Variants in MGAT5 observed in about 807,000 individuals in gnomAD.
MGAT5 encodes the protein alpha-1,6-mannosylglycoprotein 6-beta-N-acetylglucosaminyltransferase A.
MGAT5 carries 30 observed loss-of-function variants against 94.3 expected under a neutral mutation model. The ratio of observed to expected loss-of-function variants is 0.32; its 90% CI spans 0.24 to 0.43. The LOEUF is 0.43. Ranked by LOEUF, MGAT5 falls within the 20% of genes least tolerant of loss-of-function variation. The pLI, the probability that MGAT5 is intolerant of heterozygous loss-of-function variation, is 1.00. For synonymous variants in MGAT5, 310 were observed against 322.9 expected (o/e 0.96, Z 0.43); for missense variants, 691 against 905.5 (o/e 0.76, Z 3.04).
At chr2:134,423,275 G>T (rs1382486011) in intron 13 of MGAT5, among the ~76,000 whole-genome samples, 1 of 152,210 alleles carries the variant, frequency 6.6e-6, no homozygotes, top group Non-Finnish European at 1.5e-5. Flanking sequence ...AGGGAGAAGT[G>T]CAAGGAAATG....
intron 1 of MGAT5, among the ~76,000 whole-genome samples, chr2:134,264,318 G>T (rs575069806): frequency 6.6e-6 from 1 of 152,046 alleles, no homozygotes; most frequent in African/African-American, 2.4e-5. Context: ...CACCGCACCC[G>T]GCCAGCCATT....
chr2:134,239,668 T>C (rs1430276588), intron 1 of MGAT5, among the ~76,000 whole-genome samples: 1 of 151,890 alleles, frequency 6.6e-6, no homozygotes, highest in African/African-American at 2.4e-5. Context: ...ATCTAATACC[T>C]TGATTTCCCT....
intron 10 of MGAT5, among the ~76,000 whole-genome samples, chr2:134,372,858 A>T (rs989955814): frequency 6.6e-6 from 1 of 152,236 alleles, no homozygotes; most frequent in African/African-American, 2.4e-5. Context: ...ACTGCTGTCC[A>T]TGAAAAGAGG....
chr2:134,303,116 T>G (rs1686126615), intron 2 of MGAT5, among the ~76,000 whole-genome samples: 1 of 152,200 alleles, frequency 6.6e-6, no homozygotes, highest in Admixed American at 6.5e-5. Flanking sequence ...TTTATTTGTC[T>G]TAGTCTTGAA....
intron 1 of MGAT5, among the ~76,000 whole-genome samples, chr2:134,149,276 T>G (rs1687065723): frequency 6.6e-6 from 1 of 152,240 alleles, no homozygotes; most frequent in African/African-American, 2.4e-5. Context: ...CTTACAGGGC[T>G]GTTGTGCAAT....
chr2:134,313,287 C>T (rs1415112263), intron 2 of MGAT5, among the ~76,000 whole-genome samples: 1 of 152,130 alleles, frequency 6.6e-6, no homozygotes, highest in Non-Finnish European at 1.5e-5. Context: ...TCTGCTCCTG[C>T]AGTGTGTATG....
chr2:134,369,765 G>C (rs1680669762), intron 10 of MGAT5, among the ~76,000 whole-genome samples: 1 of 151,272 alleles, frequency 6.6e-6, no homozygotes, highest in Non-Finnish European at 1.5e-5. Context: ...GTGAATGACA[G>C]ACTTTTATGT....
At position 134,334,496 on chromosome 2, in the gene MGAT5, C is replaced by CTTTTTTTT. The variant is rs59933611; in HGVS notation, c.574-1705_574-1698dup. Among the ~76,000 whole-genome samples, 197 of 34,118 alleles carry CTTTTTTTT rather than the reference C, an allele frequency of 5.8e-3. 49 individuals are homozygous for CTTTTTTTT. The highest frequency in any genetic ancestry group is 0.037 in the East Asian group (35 of 938). The allele number at this position is 34,118 out of a possible 152,430, so 22.4% of individuals were successfully genotyped here. On this transcript the variant is annotated intron_variant, in intron 4 of 15. Transcript: ENST00000281923. ...CAAATCTCTACTTTCCTTGCTCATC[C>CTTTTTTTT]TTTTTTTTTTTTTTTTTTTTTTTGC...
In MGAT5 at chr2:134,408,988, A is replaced by C. The variant is rs372505712; in HGVS notation, c.1531-3881A>C. ...TATCATCTCTTATCTCTCTCTTCTG[A>C]TGAATATCCCTCCCCGTTTTTTAGT... On this transcript the variant is annotated intron_variant, in intron 11 of 15. Transcript: ENST00000281923. Among the ~76,000 whole-genome samples, 63 of 152,294 alleles carry C rather than the reference A, an allele frequency of 4.1e-4. 1 individual carries two copies. The highest frequency in any genetic ancestry group is 6.8e-3 in the Middle Eastern group (2 of 294).
intron 10 of MGAT5, among the ~76,000 whole-genome samples, chr2:134,401,923 C>G (rs1197276920): frequency 6.6e-6 from 1 of 152,174 alleles, no homozygotes; most frequent in African/African-American, 2.4e-5. Context: ...GAGACCAGAT[C>G]ATGAATCGCT....
At chr2:134,357,084 A>C (rs1483672490) in intron 9 of MGAT5, among the ~76,000 whole-genome samples, 3 of 152,240 alleles carry the variant, frequency 2.0e-5, no homozygotes, top group Non-Finnish European at 4.4e-5. Flanking sequence ...TAACATCCTG[A>C]AGAGTGGCTG....
chr2:134,130,042 G>C (rs1313780701), intron 1 of MGAT5, among the ~76,000 whole-genome samples: 1 of 152,168 alleles, frequency 6.6e-6, no homozygotes, highest in South Asian at 2.1e-4. Flanking sequence ...GCGGCCGGCT[G>C]GGGCAGTGAG....
At chr2:134,241,435 A>G (rs998694734) in intron 1 of MGAT5, among the ~76,000 whole-genome samples, 3 of 152,234 alleles carry the variant, frequency 2.0e-5, no homozygotes, top group Non-Finnish European at 1.5e-5. Flanking sequence ...GGGGGTTGTA[A>G]GTAGATTGCT....
chr2:134,221,575 C>T (rs539108187), intron 1 of MGAT5, among the ~76,000 whole-genome samples: 88 of 152,144 alleles, frequency 5.8e-4, no homozygotes, highest in African/African-American at 2.0e-3. Flanking sequence ...GAAAACAAAG[C>T]GGAAAGGGGA....
intron 3 of MGAT5, 73 bp from the exon 4 acceptor site, chr2:134,318,577 A>T: frequency 9.0e-7 from 1 of 1,109,560 alleles, no homozygotes; most frequent in Non-Finnish European, 1.4e-6. Flanking sequence ...TCACCATTCT[A>T]TCCTCGCCTT....
chr2:134,255,470 T>TATATATACATATATACATATATATACAC (rs1558735762), intron 1 of MGAT5, among the ~76,000 whole-genome samples: 9 of 146,896 alleles, frequency 6.1e-5, no homozygotes, highest in Admixed American at 2.7e-4. Context: ...TATATATACA[T>TATATATACATATATACATATATATACAC]ATATATACAT....
chr2:134,381,116 C>T (rs1681512373), intron 10 of MGAT5, among the ~76,000 whole-genome samples: 1 of 151,994 alleles, frequency 6.6e-6, no homozygotes, highest in African/African-American at 2.4e-5. Flanking sequence ...GAATTCTGAA[C>T]TCTTTGAATC....
chr2:134,226,045 A>T (rs1026621120), intron 1 of MGAT5, among the ~76,000 whole-genome samples: 3 of 152,244 alleles, frequency 2.0e-5, no homozygotes, highest in Non-Finnish European at 4.4e-5. Context: ...GTGTAGCCTT[A>T]GGAGAAGAGT....
chr2:134,381,387 T>TAGATAGATAGATAGATAGATAGATA (rs1681570170), intron 10 of MGAT5, among the ~76,000 whole-genome samples: 1 of 46,850 alleles, frequency 2.1e-5, no homozygotes, highest in Non-Finnish European at 4.9e-5. Flanking sequence ...ATAGATTAGA[T>TAGATAGATAGATAGATAGATAGATA]AGATAGATAG....
Sources: gnomAD v4.1 joint callset for allele counts (sites outside exome capture counted in the v4.1 genomes callset) on GRCh38, gnomAD v4.1.1 for gene constraint, MANE v1.5 for transcripts, NCBI Gene and HGNC (gene_info 2026-07-23, HGNC 2026-07-21) for gene names.